Variants in CELF2 observed in about 807,000 individuals in gnomAD.
The protein encoded by CELF2 is CUGBP Elav-like family member 2, also known as CUG triplet repeat RNA-binding protein 2.
CELF2 carries 8 observed loss-of-function variants against 62.6 expected under a neutral mutation model. The ratio of observed to expected loss-of-function variants is 0.13; its 90% CI spans 0.07 to 0.23. CELF2 has a LOEUF of 0.23. Among genes scored for constraint, CELF2 ranks in the 10% least tolerant of loss-of-function variants. CELF2 has a pLI of 1.00. For synonymous variants in CELF2, 258 were observed against 250.0 expected (o/e 1.03, Z -0.30); for missense variants, 333 against 671.0 (o/e 0.50, Z 5.56).
chr10:10,822,240 T>C (rs919162964), intron 1 of CELF2, among the ~76,000 whole-genome samples: 1 of 152,232 alleles, frequency 6.6e-6, no homozygotes, highest in African/African-American at 2.4e-5. Context: ...ACAGGGGCCA[T>C]GCCGCCCTGT....
chr10:10,529,945 A>G, the CELF2 span, among the ~76,000 whole-genome samples: 6 of 152,188 alleles, frequency 3.9e-5, no homozygotes, highest in Non-Finnish European at 8.8e-5. Context: ...GAGAATGCCC[A>G]AGGCTTGTAG....
intron 1 of CELF2, among the ~76,000 whole-genome samples, chr10:11,097,753 C>T (rs2050305945): frequency 6.6e-6 from 1 of 152,158 alleles, no homozygotes; most frequent in Non-Finnish European, 1.5e-5. Flanking sequence ...CGGGGTTTTC[C>T]TCACACTGTA....
the CELF2 span, among the ~76,000 whole-genome samples, chr10:10,790,068 T>G: frequency 6.6e-6 from 1 of 151,986 alleles, no homozygotes; most frequent in Non-Finnish European, 1.5e-5. Flanking sequence ...ATATTTAACT[T>G]TTCTGTCTGT....
At chr10:11,013,766 A>T (rs1482966569), upstream of CELF2, among the ~76,000 whole-genome samples, 2 of 152,344 alleles carry the variant, frequency 1.3e-5, no homozygotes, top group Admixed American at 6.5e-5. The surrounding 1 kb of genome is among the most constrained non-coding windows in gnomAD (Gnocchi z 4.1). Flanking sequence ...TGGAGGGAAA[A>T]TAAGTGATCA....
chr10:10,798,934 C>T, intron 1 of CELF2: 1 of 397,516 alleles, frequency 2.5e-6, no homozygotes, highest in Non-Finnish European at 4.4e-6. Context: ...TTGTGGGGTT[C>T]AGGGATGCGC....
intron 1 of CELF2, among the ~76,000 whole-genome samples, chr10:10,814,383 G>A (rs1376300386): frequency 1.3e-5 from 2 of 151,944 alleles, no homozygotes; most frequent in Non-Finnish European, 2.9e-5. Flanking sequence ...TGTCTTCATC[G>A]CCACAAAATC....
chr10:11,266,590 T>A lies in CELF2; in HGVS notation c.539-8T>A, dbSNP rs758079269. 6.2e-7 allele frequency: 1 copy of A among 1,613,056 alleles called. No homozygotes were observed. Among genetic ancestry groups the A allele is most frequent in the Non-Finnish European group, 8.5e-7 (1 of 1,179,184 alleles). On this transcript the variant is annotated splice_polypyrimidine_tract_variant and splice_region_variant and intron_variant, in intron 5 of 12. Coordinates refer to ENST00000633077, the MANE Select transcript of CELF2 (RefSeq NM_001326342.2). ...CTTTCCTGCTCCCTGTCCCCTTGTT[T>A]CCCACAGGCTGTGCGTTTGTCACAT...
At chr10:11,292,079 A>G (rs2092600666) in intron 9 of CELF2, among the ~76,000 whole-genome samples, 1 of 152,232 alleles carries the variant, frequency 6.6e-6, no homozygotes, top group African/African-American at 2.4e-5. Flanking sequence ...CCATGGTACA[A>G]GGCATTCTAA....
At chr10:10,643,289 C>A in the CELF2 span, among the ~76,000 whole-genome samples, 2 of 151,790 alleles carry the variant, frequency 1.3e-5, no homozygotes, top group Admixed American at 6.6e-5. Context: ...GGGAGGGACC[C>A]AGTTGGAGAT....
rs1201674785 is a variant in CELF2 at position 11,246,491 on chromosome 10, C to G, written c.355-2662C>G. 3.3e-5 allele frequency among the ~76,000 whole-genome samples: 5 copies of G among 152,164 alleles called. No homozygotes were observed. Among genetic ancestry groups the G allele is most frequent in the African/African-American group, 9.7e-5 (4 of 41,426 alleles). On this transcript the variant is annotated intron_variant, in intron 3 of 12. Transcript: ENST00000633077. The surrounding 1 kb of genome is among the most constrained non-coding windows in gnomAD (Gnocchi z 4.6). ...TACCCTCCTCCTTTCCCCTCTACTTCCCATGACCAGTTGTTCACTGCCCCT... is the reference window on the plus strand; with the variant it reads ...TACCCTCCTCCTTTCCCCTCTACTTGCCATGACCAGTTGTTCACTGCCCCT...
the CELF2 span, among the ~76,000 whole-genome samples, chr10:10,752,468 A>T: frequency 6.6e-6 from 1 of 152,126 alleles, no homozygotes; most frequent in South Asian, 2.1e-4. Context: ...ACGTGGGCAG[A>T]TCATGAGGTC....
At chr10:11,090,295 T>C (rs2047979213) in intron 1 of CELF2, among the ~76,000 whole-genome samples, 1 of 152,094 alleles carries the variant, frequency 6.6e-6, no homozygotes, top group Non-Finnish European at 1.5e-5. Context: ...AGGATTTTTG[T>C]ATATGTTTGT....
the CELF2 span, among the ~76,000 whole-genome samples, chr10:10,738,187 G>T: frequency 6.6e-6 from 1 of 152,200 alleles, no homozygotes; most frequent in Non-Finnish European, 1.5e-5. Context: ...GGTTTGTGAA[G>T]AGATAGATGA....
the CELF2 span, among the ~76,000 whole-genome samples, chr10:10,573,154 G>A: frequency 3.3e-5 from 5 of 152,138 alleles, no homozygotes; most frequent in South Asian, 1.0e-3. Context: ...AATGTCTTTT[G>A]AGAAGTGTAG....
At chr10:11,113,823 G>A (rs551918270) in intron 1 of CELF2, among the ~76,000 whole-genome samples, 1 of 152,078 alleles carries the variant, frequency 6.6e-6, no homozygotes, top group African/African-American at 2.4e-5. Context: ...ACAAAAGCAA[G>A]GTTCTTGATT....
the CELF2 span, among the ~76,000 whole-genome samples, chr10:10,648,248 G>T: frequency 0.027 from 4,088 of 152,238 alleles, 64 homozygotes; most frequent in Middle Eastern, 0.061. Flanking sequence ...TCAACATCCA[G>T]CATCCATCCT....
At position 11,005,590 on chromosome 10, in the gene CELF2, G is replaced by A. The variant is rs1019477990; in HGVS notation, c.53+150G>A. ...TAAAGAGGAAGAGGGAGATGAAATC[G>A]AGACCCAGAGATTGGGAGAAAGAGA... On this transcript the variant is annotated intron_variant, in intron 1 of 12. Coordinates refer to the CELF2 transcript ENST00000416382. This position sits in a 1 kb window ranked among gnomAD's most constrained non-coding sequence, Gnocchi z 4.3. 1.9e-5 allele frequency: 23 copies of A among 1,225,206 alleles called. No homozygotes were observed. The African/African-American group carries it at 2.1e-4, about 11-fold the overall frequency. The allele number at this position is 1,225,206 out of a possible 1,614,324, so 75.9% of individuals were successfully genotyped here. A position where few individuals can be genotyped will look rare whatever the true frequency, so the allele number is the denominator to read the frequency against.
At chr10:11,126,030 A>G (rs1307428868) in intron 1 of CELF2, among the ~76,000 whole-genome samples, 3 of 152,086 alleles carry the variant, frequency 2.0e-5, no homozygotes, top group African/African-American at 7.2e-5. Flanking sequence ...CTTTCTGTTC[A>G]CTTGACGTAA....
intron 2 of CELF2, among the ~76,000 whole-genome samples, chr10:11,192,949 T>G (rs1432833380): frequency 6.6e-6 from 1 of 152,192 alleles, no homozygotes; most frequent in Non-Finnish European, 1.5e-5. Context: ...TAAATTTCGT[T>G]TGGTGTTACT....
Sources: gnomAD v4.1 joint callset for allele counts (sites outside exome capture counted in the v4.1 genomes callset) on GRCh38, gnomAD v4.1.1 for gene constraint, Gnocchi (gnomAD v3.1) non-coding constraint, MANE v1.5 for transcripts, NCBI Gene and HGNC (gene_info 2026-07-23, HGNC 2026-07-21) for gene names.